ILRUN: variants seen among roughly 807,000 people sequenced by gnomAD.
ILRUN encodes protein ILRUN.
ILRUN carries 3 observed loss-of-function variants against 33.8 expected under a neutral mutation model. The observed-to-expected ratio is 0.09, with a 90% CI of 0.04 to 0.23. The LOEUF (loss-of-function observed/expected upper bound fraction) is 0.23. Among genes scored for constraint, ILRUN ranks in the 10% least tolerant of loss-of-function variants. The pLI, the probability that ILRUN is intolerant of heterozygous loss-of-function variation, is 1.00. For missense variants in ILRUN, 210 were observed against 375.1 expected (o/e 0.56, Z 3.64); for synonymous variants, 124 against 138.9 (o/e 0.89, Z 0.75).
intron 3 of ILRUN, among the ~76,000 whole-genome samples, chr6:34,629,944 A>G (rs1001758859): frequency 1.3e-5 from 2 of 152,194 alleles, no homozygotes; most frequent in Non-Finnish European, 2.9e-5. Flanking sequence ...CTATATATAC[A>G]TACCTATGAT....
At chr6:34,685,272 C>G (rs950310815) in intron 1 of ILRUN, 4 of 152,066 alleles carry the variant, frequency 2.6e-5, no homozygotes, top group Non-Finnish European at 4.4e-5. Context: ...TCTGGGAGAC[C>G]AAAAACTGGC....
intron 3 of ILRUN, among the ~76,000 whole-genome samples, chr6:34,620,184 T>C (rs1761984449): frequency 6.6e-6 from 1 of 152,018 alleles, no homozygotes; most frequent in African/African-American, 2.4e-5. Context: ...CATCTAAATA[T>C]ATTACGTAAA....
chr6:34,661,297 T>C (rs564888161), intron 1 of ILRUN, among the ~76,000 whole-genome samples: 1 of 152,334 alleles, frequency 6.6e-6, no homozygotes, highest in South Asian at 2.1e-4. Flanking sequence ...ATAAAATGTC[T>C]ACAACTTTCA....
intron 3 of ILRUN, among the ~76,000 whole-genome samples, chr6:34,641,847 G>A (rs1383644716): frequency 1.3e-5 from 2 of 151,800 alleles, no homozygotes; most frequent in South Asian, 2.1e-4. Flanking sequence ...TGGTGGGTAA[G>A]CACAAAATTA....
intron 1 of ILRUN, among the ~76,000 whole-genome samples, chr6:34,695,846 C>A (rs1763757330): frequency 6.6e-6 from 1 of 150,502 alleles, no homozygotes; most frequent in Admixed American, 6.7e-5. Context: ...CCTCACCATA[C>A]CCCCTTGTCT....
chr6:34,645,963 A>G (rs1762555275), intron 3 of ILRUN, among the ~76,000 whole-genome samples: 1 of 152,232 alleles, frequency 6.6e-6, no homozygotes, highest in Non-Finnish European at 1.5e-5. Context: ...GAAAGTACCT[A>G]TTTCAAAAAA....
At chr6:34,604,045 G>T (rs1385865335) in intron 4 of ILRUN, among the ~76,000 whole-genome samples, 1 of 152,096 alleles carries the variant, frequency 6.6e-6, no homozygotes, top group Non-Finnish European at 1.5e-5. Flanking sequence ...ATTTCTCTTT[G>T]GCATCTAAGT....
At chr6:34,611,835 CT>C (rs905615788) in intron 3 of ILRUN, among the ~76,000 whole-genome samples, 27 of 152,176 alleles carry the variant, frequency 1.8e-4, no homozygotes, top group Non-Finnish European at 3.1e-4. Context: ...GAACACCCAG[CT>C]TTTAGTATAG....
At chr6:34,631,247 G>C (rs1020563979) in intron 3 of ILRUN, among the ~76,000 whole-genome samples, 1 of 151,986 alleles carries the variant, frequency 6.6e-6, no homozygotes, top group Non-Finnish European at 1.5e-5. Flanking sequence ...GTAATGGTAA[G>C]GTGTGATTAG....
intron 1 of ILRUN, among the ~76,000 whole-genome samples, chr6:34,675,977 T>C (rs1240119249): frequency 1.3e-5 from 2 of 152,158 alleles, no homozygotes; most frequent in Non-Finnish European, 2.9e-5. Context: ...AAAACTCTTG[T>C]CCATCAACAA....
intron 2 of ILRUN, among the ~76,000 whole-genome samples, chr6:34,652,234 A>C (rs558616792): frequency 1.1e-4 from 17 of 152,358 alleles, no homozygotes; most frequent in African/African-American, 4.1e-4. Context: ...GAAAGAAATT[A>C]GGCAAAGTAA....
intron 3 of ILRUN, among the ~76,000 whole-genome samples, chr6:34,610,250 T>C (rs2127325755): frequency 6.6e-6 from 1 of 152,284 alleles, no homozygotes; most frequent in Admixed American, 6.5e-5. Flanking sequence ...ACCTCTTGAC[T>C]TAACACCACA....
intron 1 of ILRUN, among the ~76,000 whole-genome samples, chr6:34,681,381 C>T (rs1475441354): frequency 6.6e-6 from 1 of 152,174 alleles, no homozygotes; most frequent in African/African-American, 2.4e-5. Flanking sequence ...TTAACTTTGG[C>T]AAATGAGAAC....
chr6:34,599,347 AAACTCAGCCCTTGGACCTCT>A (rs1761462752), intron 4 of ILRUN, among the ~76,000 whole-genome samples: 1 of 152,226 alleles, frequency 6.6e-6, no homozygotes, highest in Non-Finnish European at 1.5e-5. Flanking sequence ...AGATAGTGTT[AAACTCAGCCCTTGGACCTCT>A]AACTATGCCA....
At chr6:34,666,026 A>T (rs1175927167) in intron 1 of ILRUN, among the ~76,000 whole-genome samples, 2 of 152,172 alleles carry the variant, frequency 1.3e-5, no homozygotes, top group African/African-American at 4.8e-5. Flanking sequence ...ATATACATCT[A>T]AGAGAAAAAT....
chr6:34,687,712 T>TATATATATATATATTTATAAA (rs1763554270), intron 1 of ILRUN, among the ~76,000 whole-genome samples: 4 of 129,852 alleles, frequency 3.1e-5, no homozygotes, highest in South Asian at 2.3e-4. Context: ...AAAAAAAATA[T>TATATATATATATATTTATAAA]ATATATATAT....
chr6:34,683,657 G>A lies in ILRUN; in HGVS notation c.158+12789C>T, dbSNP rs1054999577. ...GAGGGGTTTATACTTCTCATCTTTAGTACAGGGGTTACAAATGAGTAGCCC... is the reference window on the plus strand; with the variant it reads ...GAGGGGTTTATACTTCTCATCTTTAATACAGGGGTTACAAATGAGTAGCCC... On this transcript the variant is annotated intron_variant, in intron 1 of 4. Transcript: ENST00000374023. Among the ~76,000 whole-genome samples the A allele has an allele frequency of 3.3e-5, 5 of 151,492 alleles. No homozygotes were observed. In the East Asian group the frequency reaches 7.7e-4, roughly 23 times the overall value.
At position 34,588,801 on chromosome 6, in the gene ILRUN, GAAGAGGGAATTT is replaced by G. The variant is rs1761242157; in HGVS notation, c.*1752_*1763del. 3 of 152,788 alleles carry G rather than the reference GAAGAGGGAATTT, an allele frequency of 2.0e-5. No individual in the cohort carries two copies. Among genetic ancestry groups the G allele is most frequent in the Admixed American group, 2.0e-4 (3 of 15,298 alleles). The allele number at this position is 152,788 out of a possible 1,614,324, so 9.5% of individuals were successfully genotyped here. A position where few individuals can be genotyped will look rare whatever the true frequency, so the allele number is the denominator to read the frequency against. On this transcript the variant is annotated 3_prime_UTR_variant, in exon 5 of 5. Coordinates refer to ENST00000374023, the MANE Select transcript of ILRUN (RefSeq NM_024294.4). ...TTTATTTTTTGGGGGGTGGGGAGGT[GAAGAGGGAATTT>G]CACACAAGCTTTTCTCCCACAATCA...
At chr6:34,606,061 T>C (rs529620953) in intron 4 of ILRUN, among the ~76,000 whole-genome samples, 80 of 152,232 alleles carry the variant, frequency 5.3e-4, no homozygotes, top group African/African-American at 1.8e-3. Flanking sequence ...ATATTTAAAA[T>C]CACAGTTAAC....
Sources: gnomAD v4.1 joint callset for allele counts (sites outside exome capture counted in the v4.1 genomes callset) on GRCh38, gnomAD v4.1.1 for gene constraint, MANE v1.5 for transcripts, NCBI Gene and HGNC (gene_info 2026-07-23, HGNC 2026-07-21) for gene names.